Variants in CCDC81 observed in about 807,000 individuals in gnomAD.
CCDC81 encodes coiled-coil domain-containing protein 81.
Under a neutral mutation model 83.7 loss-of-function variants are expected in CCDC81, and 79 were observed. That is an observed-to-expected ratio of 0.94 (90% CI 0.79 to 1.14). The LOEUF is 1.14. CCDC81 is among the 50% of genes most tolerant of loss of function. The pLI is 0.00. For missense variants in CCDC81, 791 were observed against 778.1 expected (o/e 1.02, Z -0.20); for synonymous variants, 252 against 278.1 (o/e 0.91, Z 0.93).
At chr11:86,412,932 T>C (rs183060524) in intron 11 of CCDC81, among the ~76,000 whole-genome samples, 1 of 152,284 alleles carries the variant, frequency 6.6e-6, no homozygotes, top group East Asian at 1.9e-4. Context: ...TGGCTTGTGT[T>C]AGTCAGCGCA....
chr11:86,414,956 T>A, intron 12 of CCDC81, 89 bp downstream of exon 12: 1 of 1,399,448 alleles, frequency 7.1e-7, no homozygotes, highest in Non-Finnish European at 9.8e-7. Flanking sequence ...AATATTTTTA[T>A]GTGTTATGCA....
intron 3 of CCDC81, 135 bp downstream of exon 3, chr11:86,387,807 G>T (rs1948265813): frequency 1.5e-6 from 1 of 647,872 alleles, no homozygotes; most frequent in African/African-American, 1.9e-5. Flanking sequence ...GGTGCTTTTG[G>T]CAGAGGGAGG....
Position 86,422,807 on chromosome 11 carries a change from G to A in CCDC81, c.*92G>A. 5 of 1,280,450 alleles carry A rather than the reference G, an allele frequency of 3.9e-6. No homozygotes were observed. Among genetic ancestry groups the A allele is most frequent in the Admixed American group, 4.7e-5 (2 of 42,220 alleles). The allele number at this position is 1,280,450 out of a possible 1,614,324, so 79.3% of individuals were successfully genotyped here. On this transcript the variant is annotated 3_prime_UTR_variant, in exon 15 of 15. Coordinates refer to ENST00000445632, the MANE Select transcript of CCDC81 (RefSeq NM_001156474.2). ...TGAAACTGCGTATTTTTACCTCAGA[G>A]AAAAAAATCATTGTTTAGGTTTGGT...
At position 86,414,832 on chromosome 11, in the gene CCDC81, G is replaced by GA. The variant is rs778109617; in HGVS notation, c.1438dup (p.Thr480AsnfsTer23). 6.2e-7 allele frequency: 1 copy of GA among 1,612,098 alleles called. No individual in the cohort carries two copies. Among genetic ancestry groups the GA allele is most frequent in the Admixed American group, 1.7e-5 (1 of 59,404 alleles). On this transcript the variant is annotated frameshift_variant, in exon 12 of 15. Transcript: ENST00000445632. LOFTEE classifies it high-confidence loss of function. The stretch of plus-strand genomic sequence containing the variant: ...GAAATTTTTAAAAGATAAGATGGAA[G>GA]AAACACAGTGTTACAAGAGAGCTTT...
chr11:86,423,104 GC>G lies in CCDC81; in HGVS notation c.*391del, dbSNP rs1275009365. ...TGGCAATAATAAATATTTTTTAAGC[GC>G]CTGACTGTGCATGACAATTCATAAT... On this transcript the variant is annotated 3_prime_UTR_variant, in exon 15 of 15. Coordinates refer to ENST00000445632, the MANE Select transcript of CCDC81 (RefSeq NM_001156474.2). The G allele has an allele frequency of 5.8e-6, 1 of 173,484 alleles. No homozygotes were observed. The highest frequency in any genetic ancestry group is 5.8e-5 in the Admixed American group (1 of 17,360). The allele number at this position is 173,484 out of a possible 1,614,324, so 10.7% of individuals were successfully genotyped here. A position where few individuals can be genotyped will look rare whatever the true frequency, so the allele number is the denominator to read the frequency against.
At chr11:86,402,171 GT>G (rs1176323744) in intron 7 of CCDC81, among the ~76,000 whole-genome samples, 4 of 141,646 alleles carry the variant, frequency 2.8e-5, no homozygotes, top group African/African-American at 1.0e-4. Context: ...ACCAAAAAAT[GT>G]TTTTTTGTGC....
At chr11:86,406,017 C>G (rs961661061) in intron 7 of CCDC81, among the ~76,000 whole-genome samples, 1 of 152,158 alleles carries the variant, frequency 6.6e-6, no homozygotes, top group African/African-American at 2.4e-5. Flanking sequence ...CCTGCCTCGG[C>G]CTCCCAAAGT....
intron 13 of CCDC81, chr11:86,419,051 G>A (rs930637544): frequency 2.0e-5 from 3 of 152,266 alleles, no homozygotes; most frequent in East Asian, 1.9e-4. Context: ...AAGGTGTGCC[G>A]TTTAAGGAAA....
intron 3 of CCDC81, among the ~76,000 whole-genome samples, chr11:86,392,013 T>G (rs549131942): frequency 1.4e-4 from 21 of 152,268 alleles, no homozygotes; most frequent in African/African-American, 5.1e-4. Context: ...CTCATTATCA[T>G]GAGGACAGCA....
intron 10 of CCDC81, among the ~76,000 whole-genome samples, chr11:86,409,758 A>AT (rs980133853): frequency 5.3e-5 from 8 of 152,016 alleles, no homozygotes; most frequent in Admixed American, 3.3e-4. Flanking sequence ...CAGTTGTGCC[A>AT]TTTTTTTTAA....
At chr11:86,420,432 T>C (rs1948774388) in intron 14 of CCDC81, among the ~76,000 whole-genome samples, 1 of 152,170 alleles carries the variant, frequency 6.6e-6, no homozygotes, top group South Asian at 2.1e-4. Flanking sequence ...TCAGGGGTTG[T>C]AAGATTGGCA....
rs1352527684 is a variant in CCDC81, at chr11:86,395,320, T to C, written c.556-14T>C. ...TCAGCCTAGATGTAACCTTGCTCTG[T>C]TGCTGTCCTCTAGAGGCCTGGCACT... On this transcript the variant is annotated splice_polypyrimidine_tract_variant and intron_variant, in intron 4 of 14. Transcript: ENST00000445632. 2 of 1,612,918 alleles carry C rather than the reference T, an allele frequency of 1.2e-6. No individual in the cohort carries two copies. Among genetic ancestry groups the C allele is most frequent in the South Asian group, 1.1e-5 (1 of 91,014 alleles).
intron 5 of CCDC81, among the ~76,000 whole-genome samples, chr11:86,396,167 A>G (rs866173341): frequency 2.6e-5 from 4 of 152,220 alleles, no homozygotes; most frequent in Admixed American, 6.5e-5. Flanking sequence ...GCTTTACTCC[A>G]TGAGCACAGT....
chr11:86,417,369 A>C (rs558032135), intron 13 of CCDC81, among the ~76,000 whole-genome samples: 45 of 152,086 alleles, frequency 3.0e-4, no homozygotes, highest in African/African-American at 1.0e-3. Flanking sequence ...ATTAACCTTA[A>C]TTATTTATAA....
intron 13 of CCDC81, among the ~76,000 whole-genome samples, chr11:86,418,269 G>T (rs1253393097): frequency 1.3e-5 from 2 of 152,028 alleles, no homozygotes; most frequent in Non-Finnish European, 2.9e-5. Context: ...AACATAAAAT[G>T]GTACAGTTGC....
At chr11:86,390,940 C>T (rs959063979) in intron 3 of CCDC81, among the ~76,000 whole-genome samples, 4 of 151,964 alleles carry the variant, frequency 2.6e-5, no homozygotes, top group Non-Finnish European at 4.4e-5. Flanking sequence ...GGATGTTTAC[C>T]TAGGAGAGAA....
chr11:86,422,818 T>C lies in CCDC81; in HGVS notation c.*103T>C. On this transcript the variant is annotated 3_prime_UTR_variant, in exon 15 of 15. Transcript: ENST00000445632. ...ATTTTTACCTCAGAGAAAAAAATCA[T>C]TGTTTAGGTTTGGTGCTTTCATTAG... The C allele has an allele frequency of 8.5e-7, 1 of 1,175,872 alleles. No homozygotes were observed. The highest frequency in any genetic ancestry group is 1.2e-6 in the Non-Finnish European group (1 of 835,848). The allele number at this position is 1,175,872 out of a possible 1,614,324, so 72.8% of individuals were successfully genotyped here.
chr11:86,389,243 T>A (rs1044430483), intron 3 of CCDC81, among the ~76,000 whole-genome samples: 5 of 151,736 alleles, frequency 3.3e-5, no homozygotes, highest in African/African-American at 1.2e-4. Flanking sequence ...TGCAAAATAA[T>A]AATAATAATA....
intron 14 of CCDC81, among the ~76,000 whole-genome samples, chr11:86,421,335 T>C (rs1948786238): frequency 6.6e-6 from 1 of 151,838 alleles, no homozygotes; most frequent in Non-Finnish European, 1.5e-5. Flanking sequence ...TTTGAGATGG[T>C]GTCTCACTCT....
Sources: allele counts gnomAD v4.1 joint callset (sites outside exome capture counted in the v4.1 genomes callset), GRCh38; gene constraint gnomAD v4.1.1; transcripts MANE v1.5; gene names NCBI Gene and HGNC (gene_info 2026-07-23, HGNC 2026-07-21).